NAV3: variants seen among roughly 807,000 people sequenced by gnomAD.
The protein encoded by NAV3 is neuron navigator 3.
In NAV3, 87 loss-of-function variants were observed where a neutral mutation model predicts 244.7. The ratio of observed to expected loss-of-function variants is 0.36; its 90% CI spans 0.30 to 0.42. The LOEUF is 0.42. Ranked by LOEUF, NAV3 falls within the 20% of genes least tolerant of loss-of-function variation. NAV3 has a pLI of 1.00. For synonymous variants in NAV3, 1,126 were observed against 1,042.2 expected, an observed-to-expected ratio of 1.08 and a Z score of -1.55; for missense variants, 2,663 against 2,893.3, an observed-to-expected ratio of 0.92 and a Z score of 1.83.
chr12:77,599,859 CACAA>C (rs1455182600), intron 2 of NAV3, among the ~76,000 whole-genome samples: 7 of 151,976 alleles, frequency 4.6e-5, no homozygotes, highest in South Asian at 2.1e-4. Context: ...GGAAGTCAAA[CACAA>C]ACAAATACTA....
At position 77,971,227 on chromosome 12, in the gene NAV3, G is replaced by T. The variant is rs541777849; in HGVS notation, c.671+2525G>T. ...TTTATGAAAAGTATTCTTTTCAACA[G>T]TGTCCTTTAAAGCCTTTAAGGCTGT... is the stretch of plus-strand genomic sequence containing the variant. On this transcript the variant is annotated intron_variant, in intron 5 of 39. Coordinates refer to ENST00000397909, the MANE Select transcript of NAV3 (RefSeq NM_001024383.2). Among the ~76,000 whole-genome samples, 8 of 152,160 alleles carry T rather than the reference G, an allele frequency of 5.3e-5. No individual in the cohort carries two copies. In the South Asian group the frequency reaches 1.7e-3, roughly 32 times the overall value.
At chr12:77,730,190 G>A (rs1877057355) in intron 2 of NAV3, among the ~76,000 whole-genome samples, 1 of 151,784 alleles carries the variant, frequency 6.6e-6, no homozygotes, top group Non-Finnish European at 1.5e-5. Flanking sequence ...TAAGACAAAG[G>A]AAAATGGGAA....
chr12:77,594,602 T>C (rs187827891), intron 2 of NAV3, among the ~76,000 whole-genome samples: 1 of 152,324 alleles, frequency 6.6e-6, no homozygotes, highest in African/African-American at 2.4e-5. Flanking sequence ...AACACATAGA[T>C]GACAACAGGC....
intron 2 of NAV3, among the ~76,000 whole-genome samples, chr12:77,721,066 C>A (rs574765882): frequency 1.4e-3 from 218 of 152,128 alleles, no homozygotes; most frequent in African/African-American, 5.1e-3. Context: ...GGAGCATGTG[C>A]TATTGAGTGA....
Position 77,612,290 on chromosome 12 carries a change from G to A in NAV3, c.72+40024G>A, listed in dbSNP as rs187978770. ...TCATAAATGTCTCCAATCATTATGT[G>A]CACTTGTAGATAATACACAATTTTG... On this transcript the variant is annotated intron_variant, in intron 2 of 8. Coordinates refer to the NAV3 transcript ENST00000550042. 3.1e-3 allele frequency among the ~76,000 whole-genome samples: 477 copies of A among 152,196 alleles called. 2 individuals are homozygous for A. The highest frequency in any genetic ancestry group is 0.011 in the African/African-American group (466 of 41,554).
intron 2 of NAV3, among the ~76,000 whole-genome samples, chr12:77,690,078 G>A (rs1366962555): frequency 6.6e-6 from 1 of 151,584 alleles, no homozygotes; most frequent in Non-Finnish European, 1.5e-5. Flanking sequence ...AGTGTATAAT[G>A]ACATTCAGCT....
intron 2 of NAV3, among the ~76,000 whole-genome samples, chr12:77,692,241 A>G (rs1341901840): frequency 6.6e-6 from 1 of 152,112 alleles, no homozygotes; most frequent in Non-Finnish European, 1.5e-5. Flanking sequence ...TACAATGACT[A>G]TATTTTAATG....
At chr12:78,026,159 G>A (rs1427346985) in intron 9 of NAV3, among the ~76,000 whole-genome samples, 1 of 151,784 alleles carries the variant, frequency 6.6e-6, no homozygotes, top group Non-Finnish European at 1.5e-5. Flanking sequence ...ATTTAATATC[G>A]ATATTATCTC....
rs1220137362 is a variant in NAV3 at position 77,610,539 on chromosome 12, T to C, written c.72+38273T>C. Among the ~76,000 whole-genome samples, 3 of 152,108 alleles carry C rather than the reference T, an allele frequency of 2.0e-5. No individual in the cohort carries two copies. The East Asian group carries it at 5.8e-4, about 29-fold the overall frequency. ...ATCCCATTTCTCATTTATAGATACG[T>C]AGACAAGCCATGTACATTCAGACTT... is the stretch of plus-strand genomic sequence containing the variant. On this transcript the variant is annotated intron_variant, in intron 2 of 8. Transcript: ENST00000550042.
At chr12:77,870,763 T>C (rs1276413278) in intron 1 of NAV3, among the ~76,000 whole-genome samples, 2 of 152,132 alleles carry the variant, frequency 1.3e-5, no homozygotes, top group African/African-American at 4.8e-5. Context: ...ATGAGGATCA[T>C]ATAAACTGAG....
chr12:77,950,199 A>G (rs941756966), intron 3 of NAV3, among the ~76,000 whole-genome samples: 3 of 152,152 alleles, frequency 2.0e-5, no homozygotes, highest in East Asian at 1.9e-4. Flanking sequence ...TTGATGGATC[A>G]TATGACATTT....
chr12:78,098,373 A>G (rs1258957908), intron 12 of NAV3, among the ~76,000 whole-genome samples: 1 of 152,058 alleles, frequency 6.6e-6, no homozygotes, highest in African/African-American at 2.4e-5. Flanking sequence ...TCATGATATT[A>G]CTATAAAACA....
chr12:77,781,769 T>C (rs1339206087), intron 2 of NAV3, among the ~76,000 whole-genome samples: 1 of 152,202 alleles, frequency 6.6e-6, no homozygotes. Flanking sequence ...GAAGCAACTT[T>C]GTGCCCACAA....
In NAV3 at chr12:78,162,893, TATATATATAA is replaced by T. The variant is rs1957615312; in HGVS notation, c.4869+3617_4869+3626del. Among the ~76,000 whole-genome samples the T allele has an allele frequency of 3.9e-5, 5 of 129,444 alleles. No homozygotes were observed. In the South Asian group the frequency reaches 1.2e-3, roughly 30 times the overall value. 84.9% of individuals were successfully genotyped at this position (129,444 alleles called of 152,430 possible). A position where few individuals can be genotyped will look rare whatever the true frequency, so the allele number is the denominator to read the frequency against. On this transcript the variant is annotated intron_variant, in intron 23 of 39. Coordinates refer to ENST00000397909, the MANE Select transcript of NAV3 (RefSeq NM_001024383.2). Reference sequence around the variant, plus strand: ...AAATATATATATATAATATATATAATATATATATAAATATATATATTATATAATATATATA... The same window carrying T: ...AAATATATATATATAATATATATAATATATATATATTATATAATATATATA...
intron 5 of NAV3, among the ~76,000 whole-genome samples, chr12:77,991,949 T>C (rs2136365326): frequency 6.6e-6 from 1 of 152,044 alleles, no homozygotes; most frequent in African/African-American, 2.4e-5. Flanking sequence ...GAGAACTGCT[T>C]GAACCCAGGA....
chr12:77,837,149 T>G (rs1160574212), intron 1 of NAV3, among the ~76,000 whole-genome samples: 4 of 151,910 alleles, frequency 2.6e-5, no homozygotes, highest in African/African-American at 9.7e-5. Flanking sequence ...AAAGACCGAA[T>G]TTTTGAAATT....
chr12:78,034,491 C>T (rs1194381281), intron 9 of NAV3, among the ~76,000 whole-genome samples: 2 of 152,116 alleles, frequency 1.3e-5, no homozygotes, highest in Non-Finnish European at 2.9e-5. Context: ...ACATATGAAG[C>T]TTGAGAACCA....
chr12:77,777,662 C>T (rs955853685), intron 2 of NAV3, among the ~76,000 whole-genome samples: 1 of 152,114 alleles, frequency 6.6e-6, no homozygotes, highest in African/African-American at 2.4e-5. Context: ...ATAAGGGGTA[C>T]TACTATATCG....
At chr12:77,583,647 G>C (rs1449742926) in intron 2 of NAV3, among the ~76,000 whole-genome samples, 3 of 152,148 alleles carry the variant, frequency 2.0e-5, no homozygotes, top group Non-Finnish European at 4.4e-5. Context: ...TCCATCATCA[G>C]GTTCTAAATT....
Sources: allele counts gnomAD v4.1 joint callset (sites outside exome capture counted in the v4.1 genomes callset), GRCh38; gene constraint gnomAD v4.1.1; transcripts MANE v1.5; gene names NCBI Gene and HGNC (gene_info 2026-07-23, HGNC 2026-07-21).